PCCA: variants seen among roughly 807,000 people sequenced by gnomAD.
PCCA encodes propionyl-CoA carboxylase alpha chain, mitochondrial.
PCCA carries 74 observed loss-of-function variants against 101.3 expected under a neutral mutation model. The ratio of observed to expected loss-of-function variants is 0.73; its 90% CI spans 0.61 to 0.89. The LOEUF (loss-of-function observed/expected upper bound fraction) is 0.89. Among genes scored for constraint, PCCA ranks in the 40% least tolerant of loss-of-function variants. PCCA has a pLI of 0.00. For synonymous variants in PCCA, 294 were observed against 313.6 expected, an observed-to-expected ratio of 0.94 and a Z score of 0.66; for missense variants, 891 against 907.0, an observed-to-expected ratio of 0.98 and a Z score of 0.23.
chr13:100,460,549 A>T (rs1027255387), intron 21 of PCCA, among the ~76,000 whole-genome samples: 22 of 152,358 alleles, frequency 1.4e-4, no homozygotes, highest in Middle Eastern at 3.4e-3. Flanking sequence ...GATCTAATGA[A>T]ACCAAATGAT....
At chr13:100,203,051 T>A (rs1472724205) in intron 6 of PCCA, among the ~76,000 whole-genome samples, 3 of 151,954 alleles carry the variant, frequency 2.0e-5, no homozygotes, top group Admixed American at 2.0e-4. Flanking sequence ...GGTAGGCGGA[T>A]CACGAGATCA....
intron 6 of PCCA, among the ~76,000 whole-genome samples, chr13:100,193,914 C>T (rs992206319): frequency 1.3e-5 from 2 of 151,798 alleles, no homozygotes; most frequent in African/African-American, 4.8e-5. Context: ...CCCGTCTCTA[C>T]AAAAAAATTA....
chr13:100,414,001 T>A (rs1452757313), intron 19 of PCCA, among the ~76,000 whole-genome samples: 2 of 152,170 alleles, frequency 1.3e-5, no homozygotes, highest in African/African-American at 4.8e-5. Context: ...AAAACTGAAA[T>A]TAAAGTTGTT....
intron 20 of PCCA, among the ~76,000 whole-genome samples, chr13:100,431,346 C>A (rs768447841): frequency 2.6e-5 from 4 of 151,740 alleles, no homozygotes; most frequent in Non-Finnish European, 4.4e-5. Context: ...TCCTTTTTGT[C>A]GTATGTGTTG....
At chr13:100,257,788 A>G in intron 9 of PCCA, 115 bp downstream of exon 9, 1 of 740,470 alleles carries the variant, frequency 1.4e-6, no homozygotes, top group Non-Finnish European at 2.4e-6. Context: ...TAACCATCTA[A>G]TTTTTACACT....
chr13:100,494,095 G>A (rs541746615), intron 21 of PCCA, among the ~76,000 whole-genome samples: 21 of 151,304 alleles, frequency 1.4e-4, no homozygotes, highest in Admixed American at 7.9e-4. Flanking sequence ...AGGCTGAGGC[G>A]GGAGAAGGGC....
chr13:100,432,008 T>G (rs2079587765), intron 20 of PCCA, among the ~76,000 whole-genome samples: 1 of 152,032 alleles, frequency 6.6e-6, no homozygotes, highest in Non-Finnish European at 1.5e-5. Flanking sequence ...CAGTCTGACC[T>G]GTAACATGGT....
At chr13:100,136,796 T>G (rs566703957) in intron 4 of PCCA, among the ~76,000 whole-genome samples, 2 of 152,212 alleles carry the variant, frequency 1.3e-5, no homozygotes, top group Non-Finnish European at 2.9e-5. Flanking sequence ...TCTTCTTTTC[T>G]TAGTCTTTTT....
intron 10 of PCCA, among the ~76,000 whole-genome samples, chr13:100,267,467 A>AT (rs1193797688): frequency 6.6e-6 from 1 of 151,986 alleles, no homozygotes; most frequent in Non-Finnish European, 1.5e-5. Flanking sequence ...TCTTTATTTG[A>AT]TTTTTTTCAG....
intron 11 of PCCA, among the ~76,000 whole-genome samples, chr13:100,272,374 C>T (rs796734704): frequency 1.7e-4 from 26 of 152,266 alleles, no homozygotes; most frequent in African/African-American, 6.3e-4. Flanking sequence ...GTGTATTTCT[C>T]ATTTAATATC....
At chr13:100,135,204 C>T (rs1020066386) in intron 4 of PCCA, among the ~76,000 whole-genome samples, 3 of 151,524 alleles carry the variant, frequency 2.0e-5, no homozygotes, top group East Asian at 2.0e-4. Context: ...CCAGCCTGGG[C>T]AACATAGCCA....
chr13:100,209,592 A>G (rs2059082661), intron 7 of PCCA, 129 bp downstream of exon 7: 3 of 701,254 alleles, frequency 4.3e-6, no homozygotes, highest in Admixed American at 2.1e-5. Context: ...ACGCACATAC[A>G]TACATGTATA....
intron 12 of PCCA, 72 bp downstream of exon 12, chr13:100,273,418 T>A: frequency 1.6e-6 from 2 of 1,236,070 alleles, no homozygotes; most frequent in Middle Eastern, 2.4e-4. Flanking sequence ...CTTTTTTGTT[T>A]TATAAATGTT....
At position 100,102,881 on chromosome 13, in the gene PCCA, A is replaced by G. The variant is rs1011184132; in HGVS notation, c.106-2A>G. 6.2e-7 allele frequency: 1 copy of G among 1,607,326 alleles called. No homozygotes were observed. Among genetic ancestry groups the G allele is most frequent in the Admixed American group, 1.7e-5 (1 of 59,986 alleles). ...ATTTATTTTGCTTTCCTTTTTTTGT[A>G]GCATGTTCTGTACTATTCAAGACAG... is the stretch of plus-strand genomic sequence containing the variant. On this transcript the variant is annotated splice_acceptor_variant, in intron 1 of 23. Transcript: ENST00000376285. LOFTEE classifies it high-confidence loss of function.
intron 16 of PCCA, among the ~76,000 whole-genome samples, chr13:100,321,976 A>G (rs751414564): frequency 7.2e-5 from 11 of 152,168 alleles, no homozygotes; most frequent in Non-Finnish European, 1.2e-4. Flanking sequence ...GGAAAGTCAT[A>G]TTGAAAAGGT....
intron 7 of PCCA, among the ~76,000 whole-genome samples, chr13:100,227,146 GT>G (rs370047489): frequency 2.0e-5 from 3 of 147,204 alleles, no homozygotes; most frequent in African/African-American, 2.5e-5. Context: ...TAATTTTTTT[GT>G]TTTTTTTTTG....
chr13:100,095,364 G>A (rs2046675897), intron 1 of PCCA, among the ~76,000 whole-genome samples: 1 of 152,196 alleles, frequency 6.6e-6, no homozygotes, highest in South Asian at 2.1e-4. Flanking sequence ...CGTAGTATGT[G>A]TCAGACACTA....
intron 1 of PCCA, among the ~76,000 whole-genome samples, chr13:100,095,448 G>A (rs1258091804): frequency 6.6e-6 from 1 of 152,314 alleles, no homozygotes; most frequent in African/African-American, 2.4e-5. Flanking sequence ...GACTGTGCTC[G>A]TATAAATAGA....
chr13:100,460,946 T>C (rs1023626015), intron 21 of PCCA, among the ~76,000 whole-genome samples: 5 of 152,220 alleles, frequency 3.3e-5, no homozygotes, highest in Admixed American at 2.0e-4. Flanking sequence ...GCTGATAGAT[T>C]TATCAGTTCC....
Sources: allele counts gnomAD v4.1 joint callset (sites outside exome capture counted in the v4.1 genomes callset), GRCh38; gene constraint gnomAD v4.1.1; transcripts MANE v1.5; gene names NCBI Gene and HGNC (gene_info 2026-07-23, HGNC 2026-07-21).